Variants in KAZN observed in about 807,000 individuals in gnomAD.
KAZN encodes kazrin.
A neutral mutation model predicts 87.4 loss-of-function variants in KAZN; 40 were observed. The ratio of observed to expected loss-of-function variants is 0.46; its 90% confidence interval spans 0.36 to 0.60. The LOEUF (loss-of-function observed/expected upper bound fraction) is 0.60. Among genes scored for constraint, KAZN ranks in the 20% least tolerant of loss-of-function variants. KAZN has a pLI of 0.00. For missense variants in KAZN, 898 were observed against 1,073.9 expected (o/e 0.84, Z 2.29); for synonymous variants, 466 against 458.3 (o/e 1.02, Z -0.22).
intron 2 of KAZN, among the ~76,000 whole-genome samples, chr1:14,502,139 GT>G (rs142479080): frequency 7.4e-5 from 11 of 148,308 alleles, no homozygotes; most frequent in East Asian, 2.0e-4. Flanking sequence ...TAATAAAGCT[GT>G]TTTTTTTTTA....
rs143757034 is a variant in KAZN at position 14,759,129 on chromosome 1, C to T, written c.226+159906C>T. On this transcript the variant is annotated intron_variant, in intron 1 of 14. Coordinates refer to ENST00000376030, the MANE Select transcript of KAZN (RefSeq NM_201628.3). ...TTTGGCCTAGTTGAGTCTTGTTAGA[C>T]TTTAAATAAAAATCCGTGGGGGAGG... Among the ~76,000 whole-genome samples the T allele has an allele frequency of 7.9e-5, 12 of 152,276 alleles. No homozygotes were observed. In the East Asian group the frequency reaches 2.1e-3, roughly 27 times the overall value.
chr1:15,012,782 C>T (rs1269453680), intron 2 of KAZN, among the ~76,000 whole-genome samples: 1 of 152,024 alleles, frequency 6.6e-6, no homozygotes, highest in Non-Finnish European at 1.5e-5. Flanking sequence ...ATTAGCCGGG[C>T]GTGGTGGTGC....
At chr1:14,022,618 A>G (rs1485847118) in intron 1 of KAZN, among the ~76,000 whole-genome samples, 2 of 151,990 alleles carry the variant, frequency 1.3e-5, no homozygotes, top group African/African-American at 4.8e-5. Context: ...ATTATATATA[A>G]TATTCTGTTT....
intron 2 of KAZN, among the ~76,000 whole-genome samples, chr1:14,224,124 AG>A (rs1320264135): frequency 2.6e-5 from 4 of 152,224 alleles, no homozygotes; most frequent in Non-Finnish European, 5.9e-5. Flanking sequence ...ACTGCCAAAA[AG>A]GAATGTCTCA....
chr1:14,857,057 G>C (rs533787729), intron 1 of KAZN, among the ~76,000 whole-genome samples: 2 of 152,172 alleles, frequency 1.3e-5, no homozygotes, highest in African/African-American at 4.8e-5. Flanking sequence ...AGCCAACCAC[G>C]CGTGAAGGTG....
intron 1 of KAZN, among the ~76,000 whole-genome samples, chr1:14,957,117 C>T (rs901206567): frequency 2.0e-5 from 3 of 152,166 alleles, no homozygotes; most frequent in Non-Finnish European, 4.4e-5. Flanking sequence ...AGGAGTCTTT[C>T]CTTCTCTCTC....
At chr1:14,573,777 T>G (rs1297515844) in intron 2 of KAZN, among the ~76,000 whole-genome samples, 2 of 152,156 alleles carry the variant, frequency 1.3e-5, no homozygotes, top group Non-Finnish European at 2.9e-5. Flanking sequence ...TTTTTTTTAC[T>G]CAAGCTGTCC....
At position 14,949,155 on chromosome 1, in the gene KAZN, AAATAATAAT is replaced by A. The variant is rs3039717; in HGVS notation, c.227-11502_227-11494del. Among the ~76,000 whole-genome samples, 4,224 of 143,836 alleles carry A rather than the reference AAATAATAAT, an allele frequency of 0.029. 88 individuals are homozygous for A. Among genetic ancestry groups the A allele is most frequent in the African/African-American group, 0.046 (1,789 of 38,902 alleles). The allele number at this position is 143,836 out of a possible 152,430, so 94.4% of individuals were successfully genotyped here. A position where few individuals can be genotyped will look rare whatever the true frequency, so the allele number is the denominator to read the frequency against. ...GCAACAGAGTGAGACTCCGACTCAA[AAATAATAAT>A]AATAATAATAATAATAATAATAATA... On this transcript the variant is annotated intron_variant, in intron 1 of 14. Coordinates refer to ENST00000376030, the MANE Select transcript of KAZN (RefSeq NM_201628.3). The surrounding 1 kb of genome is among the most constrained non-coding windows in gnomAD (Gnocchi z 4.3).
chr1:15,107,093 T>G (rs1253773806), intron 13 of KAZN, among the ~76,000 whole-genome samples: 1 of 152,218 alleles, frequency 6.6e-6, no homozygotes, highest in Non-Finnish European at 1.5e-5. Context: ...CTACTCCTAG[T>G]CAGAAGCTCT....
At chr1:14,742,623 G>T (rs1194409925) in intron 1 of KAZN, among the ~76,000 whole-genome samples, 2 of 152,200 alleles carry the variant, frequency 1.3e-5, no homozygotes, top group East Asian at 3.9e-4. Flanking sequence ...CTCGCTTGTT[G>T]TGATATCCCT....
chr1:15,107,886 T>C (rs1320604005), intron 13 of KAZN, among the ~76,000 whole-genome samples: 2 of 152,118 alleles, frequency 1.3e-5, no homozygotes, highest in East Asian at 3.9e-4. Context: ...CCTTGTAGCT[T>C]TGTTCCAAAG....
intron 2 of KAZN, among the ~76,000 whole-genome samples, chr1:14,475,363 G>A (rs1228930758): frequency 2.0e-5 from 3 of 152,116 alleles, no homozygotes; most frequent in African/African-American, 7.2e-5. Context: ...TAATATATAC[G>A]TTCGGAAAAT....
chr1:14,288,850 T>G (rs1245635250), intron 2 of KAZN, among the ~76,000 whole-genome samples: 1 of 152,244 alleles, frequency 6.6e-6, no homozygotes, highest in African/African-American at 2.4e-5. Flanking sequence ...CACACTGCTT[T>G]AAATGTGTCC....
intron 1 of KAZN, among the ~76,000 whole-genome samples, chr1:14,028,061 C>T (rs1459371454): frequency 1.3e-5 from 2 of 152,216 alleles, no homozygotes; most frequent in African/African-American, 2.4e-5. Flanking sequence ...GGCATGCCTG[C>T]TGCCAAGCTT....
intron 2 of KAZN, among the ~76,000 whole-genome samples, chr1:15,020,115 C>A (rs1381586592): frequency 6.6e-6 from 1 of 152,128 alleles, no homozygotes; most frequent in African/African-American, 2.4e-5. Context: ...GCTGCCCTGC[C>A]TCACTGCTAC....
At chr1:14,683,563 A>G (rs1262293162) in intron 1 of KAZN, among the ~76,000 whole-genome samples, 1 of 152,198 alleles carries the variant, frequency 6.6e-6, no homozygotes, top group South Asian at 2.1e-4. Flanking sequence ...AATGCAGTCA[A>G]TGAATAAATG....
Position 14,378,182 on chromosome 1 carries a change from T to C in KAZN, c.249+197590T>C, listed in dbSNP as rs190833673. ...TGTAAGCAAACACATAAGACGTTTA[T>C]GGAATTTCAGCAAGACCTGATAGAT... On this transcript the variant is annotated intron_variant, in intron 2 of 16. Coordinates refer to the KAZN transcript ENST00000636203. 2.6e-3 allele frequency among the ~76,000 whole-genome samples: 402 copies of C among 152,320 alleles called. 4 individuals are homozygous for C. The highest frequency in any genetic ancestry group is 4.3e-3 in the Non-Finnish European group (291 of 68,034).
intron 1 of KAZN, among the ~76,000 whole-genome samples, chr1:13,917,992 G>C (rs1639923279): frequency 6.6e-6 from 1 of 152,094 alleles, no homozygotes; most frequent in Non-Finnish European, 1.5e-5. Context: ...CAATGCACCT[G>C]GTCATCCAAG....
In KAZN at chr1:14,436,974, C is replaced by T. The variant is rs1571644588; in HGVS notation, c.250-162009C>T. On this transcript the variant is annotated intron_variant, in intron 2 of 16. Coordinates refer to the KAZN transcript ENST00000636203. ...ATTTTATTATCACTTTTTAAAAGTC[C>T]TGTTTCCCTGCCTGACACTTCAGCT... Among the ~76,000 whole-genome samples the T allele has an allele frequency of 2.6e-5, 4 of 152,144 alleles. 1 individual carries two copies. The East Asian group carries it at 7.7e-4, about 29-fold the overall frequency.
Sources: allele counts gnomAD v4.1 joint callset (sites outside exome capture counted in the v4.1 genomes callset), GRCh38; gene constraint gnomAD v4.1.1; non-coding constraint Gnocchi (gnomAD v3.1); transcripts MANE v1.5; gene names NCBI Gene and HGNC (gene_info 2026-07-23, HGNC 2026-07-21).